GALNT5: variants seen among roughly 807,000 people sequenced by gnomAD.
GALNT5 encodes the protein polypeptide N-acetylgalactosaminyltransferase 5.
Under a neutral mutation model 85.4 loss-of-function variants are expected in GALNT5, and 72 were observed. That is an observed-to-expected ratio of 0.84 (90% CI 0.70 to 1.03). The LOEUF is 1.03. Among genes scored for constraint, GALNT5 ranks in the 50% least tolerant of loss-of-function variants. GALNT5 has a pLI of 0.00. For missense variants in GALNT5, 1,137 were observed against 1,135.5 expected, an observed-to-expected ratio of 1.00 and a Z score of -0.02; for synonymous variants, 404 against 397.0, an observed-to-expected ratio of 1.02 and a Z score of -0.21.
intron 1 of GALNT5, among the ~76,000 whole-genome samples, chr2:157,270,543 G>A (rs976491370): frequency 1.8e-4 from 27 of 152,010 alleles, no homozygotes; most frequent in African/African-American, 6.0e-4. Context: ...ATTTGTATAC[G>A]TTACCACCTT....
intron 1 of GALNT5, among the ~76,000 whole-genome samples, chr2:157,279,360 G>T (rs183964468): frequency 6.6e-6 from 1 of 152,222 alleles, no homozygotes; most frequent in African/African-American, 2.4e-5. Context: ...TTTTCAGAGC[G>T]GTCAGACAGG....
intron 7 of GALNT5, among the ~76,000 whole-genome samples, chr2:157,303,703 G>A (rs1189367942): frequency 6.6e-6 from 1 of 152,104 alleles, no homozygotes; most frequent in African/African-American, 2.4e-5. Context: ...AGTTTCCTCA[G>A]TAATTTCTAA....
intron 1 of GALNT5, among the ~76,000 whole-genome samples, chr2:157,281,290 C>G (rs1274349061): frequency 6.6e-6 from 1 of 152,182 alleles, no homozygotes; most frequent in Non-Finnish European, 1.5e-5. Context: ...GTCTTGAACT[C>G]CTGACCTCAA....
intron 3 of GALNT5, among the ~76,000 whole-genome samples, chr2:157,295,074 C>T (rs1448796862): frequency 2.6e-5 from 4 of 151,840 alleles, no homozygotes; most frequent in Non-Finnish European, 5.9e-5. Flanking sequence ...GTGTTACATA[C>T]GTTCACATTG....
chr2:157,259,537 G>C lies in GALNT5; in HGVS notation c.1454+1G>C. On this transcript the variant is annotated splice_donor_variant, in intron 1 of 9. Coordinates refer to ENST00000259056, the MANE Select transcript of GALNT5 (RefSeq NM_014568.3). LOFTEE classifies it high-confidence loss of function. ...CCATTGAAGACACCAGACCTGCTGGGTAAGACCTATTTCTCTTCTCTTTCC... is the reference window on the plus strand; with the variant it reads ...CCATTGAAGACACCAGACCTGCTGGCTAAGACCTATTTCTCTTCTCTTTCC... The C allele has an allele frequency of 7.5e-7, 1 of 1,327,442 alleles. No individual in the cohort carries two copies. Among genetic ancestry groups the C allele is most frequent in the Non-Finnish European group, 9.7e-7 (1 of 1,029,438 alleles). The allele number at this position is 1,327,442 out of a possible 1,614,324, so 82.2% of individuals were successfully genotyped here. A position where few individuals can be genotyped will look rare whatever the true frequency, so the allele number is the denominator to read the frequency against.
chr2:157,316,634 G>A lies in GALNT5; in HGVS notation c.*5286G>A, dbSNP rs1683711775. On this transcript the variant is annotated 3_prime_UTR_variant, in exon 10 of 10. Coordinates refer to ENST00000259056, the MANE Select transcript of GALNT5 (RefSeq NM_014568.3). ...TACAATTAGAAAAAAAAATTAACCA[G>A]AGATATTGTACAAAATATTTATTTT... 6.6e-6 allele frequency among the ~76,000 whole-genome samples: 1 copy of A among 151,980 alleles called. No individual in the cohort carries two copies. Among genetic ancestry groups the A allele is most frequent in the African/African-American group, 2.4e-5 (1 of 41,376 alleles).
intron 1 of GALNT5, among the ~76,000 whole-genome samples, chr2:157,263,908 T>G (rs1682402286): frequency 6.6e-6 from 1 of 152,192 alleles, no homozygotes; most frequent in South Asian, 2.1e-4. Context: ...TTATTTTATA[T>G]TTTTGTTATT....
chr2:157,308,777 T>G, intron 9 of GALNT5, 49 bp downstream of exon 9: 1 of 1,459,140 alleles, frequency 6.9e-7, no homozygotes, highest in Non-Finnish European at 9.4e-7. Context: ...TGACTTTTGA[T>G]CAAATAGGAC....
At position 157,296,454 on chromosome 2, in the gene GALNT5, G is replaced by T; in HGVS notation, c.1938G>T (p.Trp646Cys). 1 of 1,608,674 alleles carries T rather than the reference G, an allele frequency of 6.2e-7. No homozygotes were observed. Among genetic ancestry groups the T allele is most frequent in the Non-Finnish European group, 8.5e-7 (1 of 1,175,144 alleles). The change falls in exon 5 of 10, where the codon TGG becomes TGT. Residue 646 changes from tryptophan (W) to cysteine (C), a missense_variant. Trp to Cys is a radical substitution (Grantham distance 215, BLOSUM62 -2). Coordinates refer to ENST00000259056, the MANE Select transcript of GALNT5 (RefSeq NM_014568.3). The stretch of plus-strand genomic sequence containing the variant: ...TTGTGTGGCCCATGAACTTTGGTTG[G>T]AGAACAATTCCTCCAGATGTCATTG... ...GIFVWPMNFGWRTIPPDVIAK... is the reference protein window; with the variant it reads ...GIFVWPMNFGCRTIPPDVIAK...
chr2:157,272,968 A>G (rs902159740), intron 1 of GALNT5, among the ~76,000 whole-genome samples: 2 of 152,248 alleles, frequency 1.3e-5, no homozygotes, highest in African/African-American at 4.8e-5. Flanking sequence ...ATTGGTAGGA[A>G]CTACATTCCT....
chr2:157,279,904 C>A (rs1443366598), intron 1 of GALNT5, among the ~76,000 whole-genome samples: 1 of 152,222 alleles, frequency 6.6e-6, no homozygotes, highest in Non-Finnish European at 1.5e-5. Context: ...CTGTGTCAAT[C>A]ACGCTGGGAG....
Position 157,309,953 on chromosome 2 carries a change from C to T in GALNT5, c.2682+1225C>T, listed in dbSNP as rs191908536. ...GAATAACTTACATCTTACCTTCTCC[C>T]TGTGCCAAAGTCAGGAGGGAGGGAA... On this transcript the variant is annotated intron_variant, in intron 9 of 9. Transcript: ENST00000259056. Among the ~76,000 whole-genome samples, 5 of 152,130 alleles carry T rather than the reference C, an allele frequency of 3.3e-5. No individual in the cohort carries two copies. In the East Asian group the frequency reaches 7.7e-4, roughly 23 times the overall value.
chr2:157,261,198 C>A (rs551301632), intron 1 of GALNT5, among the ~76,000 whole-genome samples: 6 of 151,870 alleles, frequency 4.0e-5, no homozygotes, highest in African/African-American at 1.5e-4. Flanking sequence ...ATTGACCTGG[C>A]AGGCTGCTAG....
At chr2:157,269,165 A>G (rs1682526069) in intron 1 of GALNT5, among the ~76,000 whole-genome samples, 1 of 152,224 alleles carries the variant, frequency 6.6e-6, no homozygotes, top group South Asian at 2.1e-4. Context: ...AGTATGAAAG[A>G]CTAGAGTAAG....
At chr2:157,289,296 T>C (rs1212640205) in intron 3 of GALNT5, among the ~76,000 whole-genome samples, 2 of 152,314 alleles carry the variant, frequency 1.3e-5, no homozygotes. Flanking sequence ...TGTAATTTAT[T>C]TGAATTTAGC....
At chr2:157,282,225 TTA>T (rs1052049743) in intron 1 of GALNT5, among the ~76,000 whole-genome samples, 18 of 152,166 alleles carry the variant, frequency 1.2e-4, no homozygotes, top group African/African-American at 4.3e-4. Flanking sequence ...AGCTGTCAAT[TTA>T]TTTTTTTTAA....
intron 1 of GALNT5, among the ~76,000 whole-genome samples, chr2:157,273,528 A>C (rs963140079): frequency 2.0e-4 from 31 of 151,938 alleles, no homozygotes; most frequent in African/African-American, 5.3e-4. Flanking sequence ...GGAAAAAAAA[A>C]CAGCATGACT....
At chr2:157,261,505 A>G (rs1464095633) in intron 1 of GALNT5, among the ~76,000 whole-genome samples, 1 of 152,208 alleles carries the variant, frequency 6.6e-6, no homozygotes, top group Non-Finnish European at 1.5e-5. Flanking sequence ...GTCAGAGAGC[A>G]TGTGGCCAGG....
At chr2:157,310,488 T>C (rs748135798) in intron 9 of GALNT5, among the ~76,000 whole-genome samples, 5 of 152,134 alleles carry the variant, frequency 3.3e-5, no homozygotes, top group Admixed American at 6.6e-5. Context: ...AAATAAATTA[T>C]TATGAAAGTC....
Sources: allele counts gnomAD v4.1 joint callset (sites outside exome capture counted in the v4.1 genomes callset), GRCh38; gene constraint gnomAD v4.1.1; transcripts MANE v1.5; gene names NCBI Gene and HGNC (gene_info 2026-07-23, HGNC 2026-07-21).